The following CNBD1 variants were observed in gnomAD, a reference collection of about 807,000 sequenced individuals.
The protein encoded by CNBD1 is cyclic nucleotide binding domain containing 1.
Under a neutral mutation model 54.4 loss-of-function variants are expected in CNBD1, and 71 were observed. The observed-to-expected ratio is 1.30, with a 90% CI of 1.08 to 1.59. The LOEUF is 1.59. Among genes scored for constraint, CNBD1 ranks in the 40% most tolerant of loss-of-function variants. The pLI is 0.00. For missense variants in CNBD1, 659 were observed against 518.0 expected, an observed-to-expected ratio of 1.27 and a Z score of -2.64; for synonymous variants, 182 against 170.7, an observed-to-expected ratio of 1.07 and a Z score of -0.51.
At chr8:87,190,305 A>C (rs551279821) in intron 4 of CNBD1, among the ~76,000 whole-genome samples, 1 of 152,194 alleles carries the variant, frequency 6.6e-6, no homozygotes, top group African/African-American at 2.4e-5. Context: ...TGCAGGATAC[A>C]TTTTCTAGGG....
At chr8:87,350,624 A>T (rs1810267064) in intron 8 of CNBD1, among the ~76,000 whole-genome samples, 1 of 151,932 alleles carries the variant, frequency 6.6e-6, no homozygotes, top group South Asian at 2.1e-4. Flanking sequence ...GCTAGAAAAC[A>T]AATAGGGATG....
intron 8 of CNBD1, among the ~76,000 whole-genome samples, chr8:87,287,864 T>C (rs1371767942): frequency 6.6e-6 from 1 of 152,152 alleles, no homozygotes; most frequent in Admixed American, 6.6e-5. Context: ...TTATTTATCA[T>C]GTTTTTGAGA....
intron 2 of CNBD1, among the ~76,000 whole-genome samples, chr8:87,424,012 T>G (rs1388144871): frequency 6.6e-6 from 1 of 152,242 alleles, no homozygotes; most frequent in African/African-American, 2.4e-5. Context: ...TGGGAGAGTG[T>G]ATGTGTCAAG....
At chr8:87,010,095 T>C (rs1288792059) in intron 4 of CNBD1, among the ~76,000 whole-genome samples, 1 of 152,210 alleles carries the variant, frequency 6.6e-6, no homozygotes, top group Non-Finnish European at 1.5e-5. Flanking sequence ...TCCCAAAATT[T>C]GTTGTTTCTT....
At chr8:86,942,726 C>T (rs748305026) in intron 4 of CNBD1, among the ~76,000 whole-genome samples, 3 of 152,166 alleles carry the variant, frequency 2.0e-5, no homozygotes, top group Non-Finnish European at 4.4e-5. Context: ...ATTCCCAAAT[C>T]ATAGATTCTG....
chr8:87,084,902 C>T (rs1811067046), intron 4 of CNBD1, among the ~76,000 whole-genome samples: 1 of 152,064 alleles, frequency 6.6e-6, no homozygotes, highest in Admixed American at 6.5e-5. Context: ...CTCGAACTCC[C>T]AACCTCAGGT....
At chr8:87,251,681 C>A (rs1031736759) in intron 6 of CNBD1, among the ~76,000 whole-genome samples, 2 of 151,540 alleles carry the variant, frequency 1.3e-5, no homozygotes, top group Non-Finnish European at 2.9e-5. Context: ...TGCTATGGTA[C>A]CATTCAGAGT....
chr8:86,999,698 G>T (rs566014108), intron 4 of CNBD1, among the ~76,000 whole-genome samples: 1 of 152,244 alleles, frequency 6.6e-6, no homozygotes, highest in South Asian at 2.1e-4. Flanking sequence ...TCAAACTTCA[G>T]AGGATACATA....
chr8:87,065,072 T>C (rs1213694713), intron 4 of CNBD1, among the ~76,000 whole-genome samples: 1 of 151,870 alleles, frequency 6.6e-6, no homozygotes, highest in Non-Finnish European at 1.5e-5. Flanking sequence ...CTTCAATCTG[T>C]TTGGTTCTTA....
chr8:87,081,861 A>G (rs1811001314), intron 4 of CNBD1, among the ~76,000 whole-genome samples: 1 of 152,082 alleles, frequency 6.6e-6, no homozygotes, highest in Non-Finnish European at 1.5e-5. Flanking sequence ...AATGTTGTTC[A>G]GGTGTCAATT....
At chr8:87,375,772 A>C (rs1422251123) in intron 10 of CNBD1, among the ~76,000 whole-genome samples, 1 of 151,918 alleles carries the variant, frequency 6.6e-6, no homozygotes, top group Admixed American at 6.6e-5. Flanking sequence ...GAGAAGTTAA[A>C]TTTGAGTTAA....
intron 4 of CNBD1, among the ~76,000 whole-genome samples, chr8:86,996,598 A>G (rs906183987): frequency 2.6e-5 from 4 of 152,210 alleles, no homozygotes; most frequent in Non-Finnish European, 5.9e-5. Flanking sequence ...TAAAATCGAC[A>G]TATTTTTTAC....
intron 4 of CNBD1, among the ~76,000 whole-genome samples, chr8:87,121,036 T>C (rs1226605917): frequency 1.3e-5 from 2 of 151,914 alleles, no homozygotes; most frequent in Non-Finnish European, 1.5e-5. Flanking sequence ...GTACTTTCAT[T>C]GTGGGGAGGT....
At chr8:86,913,425 A>G (rs1187531310) in intron 3 of CNBD1, among the ~76,000 whole-genome samples, 1 of 152,046 alleles carries the variant, frequency 6.6e-6, no homozygotes, top group Non-Finnish European at 1.5e-5. Context: ...ATTCTTCATT[A>G]TTTCACATAG....
chr8:87,188,699 G>A lies in CNBD1; in HGVS notation c.432-17294G>A, dbSNP rs373481391. Among the ~76,000 whole-genome samples the A allele has an allele frequency of 2.7e-5, 4 of 148,546 alleles. No individual in the cohort carries two copies. In the Admixed American group the frequency reaches 2.7e-4, roughly 10 times the overall value. ...CGAGATTATGCCACTACAAGATCAC[G>A]ATGATCATGCCACTGCACTCCAGCC... On this transcript the variant is annotated intron_variant, in intron 4 of 10. Transcript: ENST00000518476.
intron 8 of CNBD1, among the ~76,000 whole-genome samples, chr8:87,329,437 G>A (rs1015917538): frequency 6.6e-6 from 1 of 152,016 alleles, no homozygotes; most frequent in East Asian, 1.9e-4. Context: ...ATGTCTGCAA[G>A]GTAGCTTATG....
chr8:87,078,171 A>G (rs1395680893), intron 4 of CNBD1, among the ~76,000 whole-genome samples: 8 of 152,210 alleles, frequency 5.3e-5, no homozygotes, highest in African/African-American at 1.9e-4. Flanking sequence ...GACCCAGAGA[A>G]GCAAGGATTT....
At chr8:87,153,929 A>C (rs906721504) in intron 4 of CNBD1, among the ~76,000 whole-genome samples, 4 of 152,146 alleles carry the variant, frequency 2.6e-5, no homozygotes, top group Non-Finnish European at 5.9e-5. Context: ...AAAGAGGTAA[A>C]ATTATATGGG....
At chr8:87,049,962 T>C (rs1810278828) in intron 4 of CNBD1, among the ~76,000 whole-genome samples, 1 of 152,218 alleles carries the variant, frequency 6.6e-6, no homozygotes, top group Non-Finnish European at 1.5e-5. Flanking sequence ...GGGCCTGAGT[T>C]AAAACTCCCA....
Sources: gnomAD v4.1 joint callset for allele counts (sites outside exome capture counted in the v4.1 genomes callset) on GRCh38, gnomAD v4.1.1 for gene constraint, MANE v1.5 for transcripts, NCBI Gene and HGNC (gene_info 2026-07-23, HGNC 2026-07-21) for gene names.